ARL13B: variants seen among roughly 807,000 people sequenced by gnomAD.
The protein encoded by ARL13B is ADP-ribosylation factor-like protein 13B.
ARL13B carries 36 observed loss-of-function variants against 56.1 expected under a neutral mutation model. The ratio of observed to expected loss-of-function variants is 0.64; its 90% CI spans 0.49 to 0.85. The LOEUF (loss-of-function observed/expected upper bound fraction) is 0.85, where lower values mean the gene tolerates loss of function less well. Among genes scored for constraint, ARL13B ranks in the 40% least tolerant of loss-of-function variants. The probability of loss-of-function intolerance (pLI) is 0.00; values close to 1 mark genes in which losing one functional copy is unlikely to be tolerated. For missense variants in ARL13B, 519 were observed against 507.1 expected (o/e 1.02, Z -0.23); for synonymous variants, 178 against 171.1 (o/e 1.04, Z -0.32).
intron 3 of ARL13B, among the ~76,000 whole-genome samples, chr3:94,017,324 A>G (rs907991882): frequency 6.6e-6 from 1 of 152,198 alleles, no homozygotes; most frequent in Non-Finnish European, 1.5e-5. Flanking sequence ...TTACATGGAA[A>G]GAGGTTTGAT....
At chr3:94,013,516 G>C (rs1190160797) in intron 3 of ARL13B, among the ~76,000 whole-genome samples, 2 of 152,198 alleles carry the variant, frequency 1.3e-5, no homozygotes, top group African/African-American at 4.8e-5. Flanking sequence ...CCAAGTTCAA[G>C]AAAGCAATAC....
intron 3 of ARL13B, among the ~76,000 whole-genome samples, chr3:94,012,085 A>G (rs753935100): frequency 2.0e-4 from 31 of 151,958 alleles, no homozygotes; most frequent in Non-Finnish European, 4.1e-4. Flanking sequence ...AGTTTCAGTT[A>G]GTTTCTTTTA....
At chr3:94,014,015 A>G (rs1185031915) in intron 3 of ARL13B, among the ~76,000 whole-genome samples, 2 of 152,204 alleles carry the variant, frequency 1.3e-5, no homozygotes, top group Admixed American at 1.3e-4. Context: ...CTTAACTATT[A>G]AAATATTCTC....
chr3:93,986,027 G>A (rs1710445221), intron 1 of ARL13B, among the ~76,000 whole-genome samples: 1 of 152,122 alleles, frequency 6.6e-6, no homozygotes, highest in Admixed American at 6.6e-5. Context: ...TATAGAAATT[G>A]CTGAGTTCTT....
intron 7 of ARL13B, among the ~76,000 whole-genome samples, chr3:94,048,796 A>G (rs1295097408): frequency 6.6e-6 from 1 of 151,706 alleles, no homozygotes; most frequent in Non-Finnish European, 1.5e-5. Context: ...AGGTCTCCTT[A>G]TGTTGCCCAG....
At chr3:94,051,662 G>T (rs1428105302) in intron 9 of ARL13B, among the ~76,000 whole-genome samples, 1 of 152,032 alleles carries the variant, frequency 6.6e-6, no homozygotes. Context: ...AAACTTGTTT[G>T]TTAAGAACAT....
At position 93,980,384 on chromosome 3, in the gene ARL13B, T is replaced by A; in HGVS notation, c.-40T>A. The A allele has an allele frequency of 6.2e-7, 1 of 1,609,112 alleles. No individual in the cohort carries two copies. Among genetic ancestry groups the A allele is most frequent in the Non-Finnish European group, 8.5e-7 (1 of 1,179,776 alleles). On this transcript the variant is annotated 5_prime_UTR_variant, in exon 1 of 10. Coordinates refer to ENST00000394222, the MANE Select transcript of ARL13B (RefSeq NM_001174150.2). ...GGAAGAGCGGGGTGCCGGTGTCCGC[T>A]CCGGGCTCGGATGGGAAGTGGTGGG...
At chr3:94,030,069 T>C (rs749883991) in intron 3 of ARL13B, among the ~76,000 whole-genome samples, 4 of 152,108 alleles carry the variant, frequency 2.6e-5, no homozygotes, top group Non-Finnish European at 5.9e-5. Context: ...CATACGCTTG[T>C]TTATATTTTC....
chr3:93,981,876 A>AG (rs1381435830), intron 1 of ARL13B, among the ~76,000 whole-genome samples: 5 of 150,778 alleles, frequency 3.3e-5, no homozygotes, highest in East Asian at 3.9e-4. Flanking sequence ...AAAAAAAAAA[A>AG]AAAAAAAAAA....
At chr3:94,026,144 A>G (rs2076553344) in intron 3 of ARL13B, among the ~76,000 whole-genome samples, 1 of 151,484 alleles carries the variant, frequency 6.6e-6, no homozygotes, top group South Asian at 2.1e-4. Context: ...CTCAGCCTCC[A>G]GAGTAGCTGG....
chr3:94,014,816 T>C lies in ARL13B; in HGVS notation c.380+10908T>C, dbSNP rs776804365. On this transcript the variant is annotated intron_variant, in intron 3 of 9. Transcript: ENST00000394222. ...TCTTGCTTTGCTGCTATTGTGTCAT[T>C]GTATATAAACATGATTTGCTGAAAA... The C allele has an allele frequency of 6.2e-6, 10 of 1,614,012 alleles. No individual in the cohort carries two copies. The South Asian group carries it at 8.8e-5, about 14-fold the overall frequency.
In ARL13B at chr3:94,024,352, G is replaced by A. The variant is rs577607516; in HGVS notation, c.381-10979G>A. Among the ~76,000 whole-genome samples, 45 of 152,286 alleles carry A rather than the reference G, an allele frequency of 3.0e-4. No individual in the cohort carries two copies. The South Asian group carries it at 3.7e-3, about 13-fold the overall frequency. On this transcript the variant is annotated intron_variant, in intron 3 of 9. Transcript: ENST00000394222. ...GTAACAATGTTAGAAGCTCAGAGGC[G>A]AGAGAAAGAGAAAGTGGCATCAAAC...
At chr3:93,996,598 G>C in intron 2 of ARL13B, 1 of 439,894 alleles carries the variant, frequency 2.3e-6, no homozygotes, top group Non-Finnish European at 4.6e-6. Flanking sequence ...AGCTGGTCTG[G>C]AATGCCTAGC....
chr3:94,046,264 T>A (rs2076983031), intron 7 of ARL13B, among the ~76,000 whole-genome samples: 1 of 152,142 alleles, frequency 6.6e-6, no homozygotes. Context: ...CCTTTAGTAA[T>A]CCCTTCTTTC....
intron 1 of ARL13B, among the ~76,000 whole-genome samples, chr3:93,990,160 A>G (rs1450999788): frequency 6.6e-6 from 1 of 151,958 alleles, no homozygotes; most frequent in African/African-American, 2.4e-5. Context: ...GGGCGCCACC[A>G]AGCCTGGCTA....
chr3:94,023,359 G>A (rs2076489091), intron 3 of ARL13B, among the ~76,000 whole-genome samples: 1 of 151,690 alleles, frequency 6.6e-6, no homozygotes, highest in East Asian at 1.9e-4. Flanking sequence ...TGAAATTCTT[G>A]ACCTTTTTTT....
At chr3:94,005,012 A>T (rs2076110501) in intron 3 of ARL13B, among the ~76,000 whole-genome samples, 1 of 152,134 alleles carries the variant, frequency 6.6e-6, no homozygotes, top group Admixed American at 6.5e-5. Context: ...GTAAAACAAT[A>T]TTATGTGCTT....
At chr3:93,982,073 T>TA (rs1308583128) in intron 1 of ARL13B, among the ~76,000 whole-genome samples, 2 of 152,184 alleles carry the variant, frequency 1.3e-5, no homozygotes, top group Non-Finnish European at 2.9e-5. Context: ...GTATATAACT[T>TA]ACGTTCTTTT....
intron 3 of ARL13B, among the ~76,000 whole-genome samples, chr3:94,032,742 C>T (rs371769607): frequency 2.3e-4 from 35 of 152,092 alleles, no homozygotes; most frequent in African/African-American, 6.8e-4. Flanking sequence ...GTGATCCGCC[C>T]GCCTCGGCCT....
Sources: gnomAD v4.1 joint callset for allele counts (sites outside exome capture counted in the v4.1 genomes callset) on GRCh38, gnomAD v4.1.1 for gene constraint, MANE v1.5 for transcripts, NCBI Gene and HGNC (gene_info 2026-07-23, HGNC 2026-07-21) for gene names.